Variants in ABLIM2 observed in about 807,000 individuals in gnomAD.
ABLIM2 encodes the protein actin-binding LIM protein 2.
Under a neutral mutation model 97.7 loss-of-function variants are expected in ABLIM2, and 53 were observed. That is an observed-to-expected ratio of 0.54 (90% CI 0.44 to 0.68). The LOEUF (loss-of-function observed/expected upper bound fraction) is 0.68. Among genes scored for constraint, ABLIM2 ranks in the 30% least tolerant of loss-of-function variants. ABLIM2 has a pLI of 0.00. For missense variants in ABLIM2, 835 were observed against 867.2 expected (o/e 0.96, Z 0.47); for synonymous variants, 361 against 345.8 (o/e 1.04, Z -0.49).
At chr4:8,037,896 G>A (rs769921362) in intron 9 of ABLIM2, among the ~76,000 whole-genome samples, 9 of 152,192 alleles carry the variant, frequency 5.9e-5, no homozygotes, top group Non-Finnish European at 1.0e-4. Flanking sequence ...GGTCCAGCTG[G>A]TGTGTGCTGC....
At chr4:8,029,585 C>CAAAA in intron 11 of ABLIM2, 71 bp downstream of exon 11, 4 of 909,822 alleles carry the variant, frequency 4.4e-6, no homozygotes, top group East Asian at 4.3e-5. Flanking sequence ...AAAAAAAAAA[C>CAAAA]TAAAAAAAAA....
Position 8,085,377 on chromosome 4 carries a change from C to T in ABLIM2, c.454+2792G>A, listed in dbSNP as rs1381579373. Among the ~76,000 whole-genome samples, 5 of 152,224 alleles carry T rather than the reference C, an allele frequency of 3.3e-5. No homozygotes were observed. The highest frequency in any genetic ancestry group is 2.6e-4 in the Admixed American group (4 of 15,286). On this transcript the variant is annotated intron_variant, in intron 4 of 20. Coordinates refer to ENST00000447017, the MANE Select transcript of ABLIM2 (RefSeq NM_001130083.2). This position sits in a 1 kb window ranked among gnomAD's most constrained non-coding sequence, Gnocchi z 6.1. ...TCACGGCCTCCAGATGTACCGAGAA[C>T]ACCACGGCGTGGCTTTGGAGGAAGC...
intron 4 of ABLIM2, among the ~76,000 whole-genome samples, chr4:8,084,367 G>A (rs1821922245): frequency 6.6e-6 from 1 of 152,130 alleles, no homozygotes; most frequent in South Asian, 2.1e-4. Flanking sequence ...AGCAGTGGGA[G>A]CTCCTGGGTT....
chr4:8,153,550 T>C (rs541461869), intron 1 of ABLIM2, among the ~76,000 whole-genome samples: 1 of 152,174 alleles, frequency 6.6e-6, no homozygotes, highest in Non-Finnish European at 1.5e-5. Flanking sequence ...CTGCACCTCA[T>C]TCAGAGTGGA....
rs182601137 is a variant in ABLIM2 at position 7,999,217 on chromosome 4, G to A, written c.1619-6290C>T. ...TGGGATTACAGGCATGTACCACTGC[G>A]CCCAGCTAATTTTGTATTTTTAGTA... On this transcript the variant is annotated intron_variant, in intron 16 of 20. Coordinates refer to ENST00000447017, the MANE Select transcript of ABLIM2 (RefSeq NM_001130083.2). This position sits in a 1 kb window ranked among gnomAD's most constrained non-coding sequence, Gnocchi z 4.4. 5.3e-5 allele frequency among the ~76,000 whole-genome samples: 8 copies of A among 152,062 alleles called. No individual in the cohort carries two copies. Among genetic ancestry groups the A allele is most frequent in the African/African-American group, 1.4e-4 (6 of 41,386 alleles).
intron 1 of ABLIM2, among the ~76,000 whole-genome samples, chr4:8,133,403 T>C (rs981233934): frequency 4.6e-5 from 7 of 152,162 alleles, no homozygotes; most frequent in African/African-American, 1.4e-4. Flanking sequence ...CCCCGTCCCC[T>C]GCGGGGTATC....
rs1459643968 is a variant in ABLIM2 at position 8,005,788 on chromosome 4, G to C, written c.1618+2271C>G. Among the ~76,000 whole-genome samples, 1 of 152,248 alleles carries C rather than the reference G, an allele frequency of 6.6e-6. No individual in the cohort carries two copies. Among genetic ancestry groups the C allele is most frequent in the Non-Finnish European group, 1.5e-5 (1 of 68,040 alleles). The stretch of plus-strand genomic sequence containing the variant: ...TCCTGCTCAGAGGAAGTGGATGTTA[G>C]CACACCAGGAGAAAGCGAAGGAAGG... On this transcript the variant is annotated intron_variant, in intron 16 of 20. Coordinates refer to ENST00000447017, the MANE Select transcript of ABLIM2 (RefSeq NM_001130083.2). This position sits in a 1 kb window ranked among gnomAD's most constrained non-coding sequence, Gnocchi z 4.9.
intron 8 of ABLIM2, among the ~76,000 whole-genome samples, chr4:8,049,197 T>C (rs779113337): frequency 2.6e-5 from 4 of 152,228 alleles, no homozygotes; most frequent in Non-Finnish European, 5.9e-5. Flanking sequence ...TCAGGTCTTA[T>C]TCACCTCTAT....
chr4:8,156,956 TG>T (rs1715573252), intron 1 of ABLIM2, among the ~76,000 whole-genome samples: 1 of 152,202 alleles, frequency 6.6e-6, no homozygotes, highest in Non-Finnish European at 1.5e-5. Flanking sequence ...TCCAAAGGGC[TG>T]GATTGATTCA....
chr4:7,997,780 G>C (rs1754338091), intron 16 of ABLIM2, among the ~76,000 whole-genome samples: 1 of 152,066 alleles, frequency 6.6e-6, no homozygotes, highest in Admixed American at 6.5e-5. Context: ...ATTTGTAATT[G>C]CTTGTTGAAG....
In ABLIM2 at chr4:8,149,025, G is replaced by A. The variant is rs1517526; in HGVS notation, c.10+9655C>T. Among the ~76,000 whole-genome samples, 6,451 of 152,280 alleles carry A rather than the reference G, an allele frequency of 0.042. 399 individuals are homozygous for A. Among genetic ancestry groups the A allele is most frequent in the African/African-American group, 0.15 (6,074 of 41,540 alleles). On this transcript the variant is annotated intron_variant, in intron 1 of 20. Coordinates refer to ENST00000447017, the MANE Select transcript of ABLIM2 (RefSeq NM_001130083.2). This position sits in a 1 kb window ranked among gnomAD's most constrained non-coding sequence, Gnocchi z 6.4. ...GCCACGCTGAGATCTGGGGTCCCCA[G>A]ATACCAGGGCAGATCCAGCCAGAGT...
intron 8 of ABLIM2, among the ~76,000 whole-genome samples, chr4:8,047,200 A>G (rs946245701): frequency 2.6e-5 from 4 of 152,116 alleles, no homozygotes; most frequent in African/African-American, 7.2e-5. Flanking sequence ...TGCAAACTTG[A>G]TTCTGTATCT....
At chr4:7,980,718 GAAAA>G (rs757171128) in intron 20 of ABLIM2, among the ~76,000 whole-genome samples, 1 of 132,056 alleles carries the variant, frequency 7.6e-6, no homozygotes, top group Non-Finnish European at 1.6e-5. Flanking sequence ...CTGTCTCAAA[GAAAA>G]AAAAAAAAAG....
chr4:8,008,279 G>A (rs1560571748), intron 15 of ABLIM2, 79 bp from the exon 16 acceptor site: 3 of 1,386,050 alleles, frequency 2.2e-6, no homozygotes, highest in Admixed American at 1.9e-5. Context: ...CCTTCTTGTA[G>A]CTTCCTTACT....
intron 10 of ABLIM2, among the ~76,000 whole-genome samples, chr4:8,034,345 G>A (rs972698377): frequency 1.3e-5 from 2 of 150,498 alleles, no homozygotes; most frequent in Non-Finnish European, 3.0e-5. Context: ...ATGGGTGCAG[G>A]TAGGTGGTTG....
chr4:8,024,219 C>A (rs1421533869), intron 12 of ABLIM2, among the ~76,000 whole-genome samples: 1 of 152,210 alleles, frequency 6.6e-6, no homozygotes, highest in East Asian at 1.9e-4. Context: ...ATGGAGGCTG[C>A]CTGGCCAGAG....
At position 8,029,847 on chromosome 4, in the gene ABLIM2, C is replaced by T. The variant is rs1474089703; in HGVS notation, c.1048-71G>A. On this transcript the variant is annotated intron_variant, in intron 10 of 20. Coordinates refer to ENST00000447017, the MANE Select transcript of ABLIM2 (RefSeq NM_001130083.2). Reference sequence around the variant, plus strand: ...TCCCACCCCTTGTCCACCCATCCCCCGACACCATTTGGTGTTTGCCCTCCT... The same window carrying T: ...TCCCACCCCTTGTCCACCCATCCCCTGACACCATTTGGTGTTTGCCCTCCT... 1.4e-5 allele frequency: 22 copies of T among 1,518,228 alleles called. No individual in the cohort carries two copies. The East Asian group carries it at 1.7e-4, about 12-fold the overall frequency. The allele number at this position is 1,518,228 out of a possible 1,614,324, so 94.0% of individuals were successfully genotyped here. A position where few individuals can be genotyped will look rare whatever the true frequency, so the allele number is the denominator to read the frequency against.
chr4:8,137,169 C>T (rs929425567), intron 1 of ABLIM2, among the ~76,000 whole-genome samples: 5 of 152,274 alleles, frequency 3.3e-5, no homozygotes, highest in Middle Eastern at 3.4e-3. Context: ...TCACGGCAGC[C>T]GGGCTGACTC....
chr4:8,007,227 A>T (rs1381500455), intron 16 of ABLIM2: 2 of 985,322 alleles, frequency 2.0e-6, no homozygotes, highest in African/African-American at 3.5e-5. Context: ...TGCCACACAC[A>T]TACCCAGTTC....
Sources: allele counts gnomAD v4.1 joint callset (sites outside exome capture counted in the v4.1 genomes callset), GRCh38; gene constraint gnomAD v4.1.1; non-coding constraint Gnocchi (gnomAD v3.1); transcripts MANE v1.5; gene names NCBI Gene and HGNC (gene_info 2026-07-23, HGNC 2026-07-21).